UST: variants seen among roughly 807,000 people sequenced by gnomAD.
The protein encoded by UST is chondroitin sulfate 2-O-sulfotransferase.
A neutral mutation model predicts 45.6 loss-of-function variants in UST; 21 were observed. That is an observed-to-expected ratio of 0.46 (90% CI 0.33 to 0.66). The LOEUF (loss-of-function observed/expected upper bound fraction) is 0.66. Ranked by LOEUF, UST falls within the 30% of genes least tolerant of loss-of-function variation. The pLI is 0.02. For missense variants in UST, 463 were observed against 512.4 expected (o/e 0.90, Z 0.93); for synonymous variants, 215 against 200.6 (o/e 1.07, Z -0.61).
At chr6:148,958,115 T>C (rs1291485078) in intron 4 of UST, among the ~76,000 whole-genome samples, 2 of 152,216 alleles carry the variant, frequency 1.3e-5, no homozygotes, top group Non-Finnish European at 2.9e-5. Flanking sequence ...CCTTGAAATT[T>C]AGACAGTCTT....
Position 148,977,291 on chromosome 6 carries a change from A to G in UST, c.681+12728A>G, listed in dbSNP as rs569378743. On this transcript the variant is annotated intron_variant, in intron 5 of 7. Coordinates refer to ENST00000367463, the MANE Select transcript of UST (RefSeq NM_005715.3). ...AACCTATTGTATAATTACATAATAC[A>G]TAGTTTTATTATGTAATATGCAATA... Among the ~76,000 whole-genome samples, 11 of 151,082 alleles carry G rather than the reference A, an allele frequency of 7.3e-5. No homozygotes were observed. The South Asian group carries it at 2.3e-3, about 31-fold the overall frequency.
intron 5 of UST, among the ~76,000 whole-genome samples, chr6:149,013,871 C>T (rs1775856818): frequency 1.3e-5 from 2 of 152,220 alleles, no homozygotes; most frequent in Non-Finnish European, 2.9e-5. Context: ...AGTTCAGTGG[C>T]TTTCAGACAA....
chr6:148,817,217 G>C (rs965415462), intron 1 of UST, among the ~76,000 whole-genome samples: 3 of 152,230 alleles, frequency 2.0e-5, no homozygotes, highest in Non-Finnish European at 4.4e-5. Flanking sequence ...GCAAAGCCAA[G>C]AAATACTAAA....
intron 1 of UST, among the ~76,000 whole-genome samples, chr6:148,868,673 C>T (rs1025125465): frequency 2.0e-5 from 3 of 152,118 alleles, no homozygotes; most frequent in Admixed American, 1.3e-4. Context: ...TGTAGGAATA[C>T]CCAAACCCTG....
At chr6:149,001,440 A>C (rs2500531) in intron 5 of UST, among the ~76,000 whole-genome samples, 1 of 151,982 alleles carries the variant, frequency 6.6e-6, no homozygotes, top group Non-Finnish European at 1.5e-5. Flanking sequence ...TTAAATATTC[A>C]CACAAGTATT....
intron 5 of UST, among the ~76,000 whole-genome samples, chr6:148,965,362 C>T (rs979656311): frequency 6.7e-6 from 1 of 149,998 alleles, no homozygotes; most frequent in African/African-American, 2.5e-5. Context: ...AAATCCTGGT[C>T]TCTGTGTCTG....
At position 149,039,532 on chromosome 6, in the gene UST, C is replaced by T. The variant is rs544809340; in HGVS notation, c.937+18051C>T. On this transcript the variant is annotated intron_variant, in intron 7 of 7. Coordinates refer to ENST00000367463, the MANE Select transcript of UST (RefSeq NM_005715.3). ...TGTATTTCTAATAGTCACAGCGGCA[C>T]GGCAAGTTAGATATTAGCATTGCTA... 3.3e-5 allele frequency among the ~76,000 whole-genome samples: 5 copies of T among 152,264 alleles called. No individual in the cohort carries two copies. In the East Asian group the frequency reaches 5.8e-4, roughly 18 times the overall value.
chr6:148,850,461 G>A (rs891509871), intron 1 of UST, among the ~76,000 whole-genome samples: 2 of 152,306 alleles, frequency 1.3e-5, no homozygotes, highest in East Asian at 1.9e-4. Flanking sequence ...AAAAAAGCAC[G>A]CTTGCTCCAG....
intron 5 of UST, among the ~76,000 whole-genome samples, chr6:149,016,329 C>G (rs567544641): frequency 7.5e-4 from 115 of 152,324 alleles, no homozygotes; most frequent in African/African-American, 2.7e-3. Flanking sequence ...CCAGTGCCTC[C>G]TCCGCCCTCC....
rs573828579 is a variant in UST at position 148,917,010 on chromosome 6, G to A, written c.292-24269G>A. Among the ~76,000 whole-genome samples the A allele has an allele frequency of 1.5e-4, 23 of 152,184 alleles. No individual in the cohort carries two copies. The South Asian group carries it at 4.6e-3, about 30-fold the overall frequency. Reference sequence around the variant, plus strand: ...CCCATGTGCTCCTCTGGTCTGATTCGACACCATGGCCTAGCCTTGTGCAGT... The same window carrying A: ...CCCATGTGCTCCTCTGGTCTGATTCAACACCATGGCCTAGCCTTGTGCAGT... On this transcript the variant is annotated intron_variant, in intron 2 of 7. Coordinates refer to ENST00000367463, the MANE Select transcript of UST (RefSeq NM_005715.3).
intron 7 of UST, among the ~76,000 whole-genome samples, chr6:149,042,176 A>G (rs923731710): frequency 6.6e-6 from 1 of 152,210 alleles, no homozygotes; most frequent in Non-Finnish European, 1.5e-5. Flanking sequence ...AAGTTTGTAT[A>G]TGACGTCACT....
At chr6:148,825,065 A>G (rs1408091238) in intron 1 of UST, among the ~76,000 whole-genome samples, 2 of 151,902 alleles carry the variant, frequency 1.3e-5, no homozygotes, top group Non-Finnish European at 2.9e-5. Context: ...ACATTTTCTT[A>G]AGTACAGAAT....
Position 148,747,585 on chromosome 6 carries a change from T to G in UST, c.155T>G (p.Met52Arg), listed in dbSNP as rs955340501. ...RFSLRDYGFC[M>R]ATLLVFCLGS... ...TCCCTCCGGGACTACGGCTTCTGCA[T>G]GGCCACCCTGCTGGTCTTCTGCCTG... Residue 52 changes from methionine to arginine, a missense_variant, in exon 1 of 8, where the codon ATG (methionine) becomes AGG (arginine). Met to Arg is a moderately conservative substitution (Grantham distance 91, BLOSUM62 -1). Transcript: ENST00000367463. The G allele has an allele frequency of 5.0e-6, 8 of 1,593,470 alleles. No homozygotes were observed. The African/African-American group carries it at 6.8e-5, about 13-fold the overall frequency.
At chr6:148,891,023 C>T (rs936410736) in intron 2 of UST, among the ~76,000 whole-genome samples, 2 of 152,162 alleles carry the variant, frequency 1.3e-5, no homozygotes, top group African/African-American at 2.4e-5. Flanking sequence ...ATAGTGTTTT[C>T]TCCAAGTGGT....
At chr6:148,793,606 A>G (rs1362228505) in intron 1 of UST, among the ~76,000 whole-genome samples, 1 of 152,198 alleles carries the variant, frequency 6.6e-6, no homozygotes, top group African/African-American at 2.4e-5. Context: ...ATCACCACCA[A>G]CAGGTGAGTA....
intron 1 of UST, among the ~76,000 whole-genome samples, chr6:148,877,704 G>A (rs1197317949): frequency 7.8e-6 from 1 of 128,408 alleles, no homozygotes; most frequent in Non-Finnish European, 1.6e-5. Context: ...TGAGTGTGAG[G>A]GGTCGTGTAT....
intron 1 of UST, among the ~76,000 whole-genome samples, chr6:148,878,073 C>A (rs1354719987): frequency 2.2e-5 from 2 of 91,992 alleles, no homozygotes; most frequent in Admixed American, 1.6e-4. Flanking sequence ...GTGCGGGTAT[C>A]GTGTATGAGT....
chr6:149,048,780 T>A (rs1776430659), intron 7 of UST, among the ~76,000 whole-genome samples: 1 of 152,186 alleles, frequency 6.6e-6, no homozygotes. Context: ...ACCACATTCA[T>A]AATCTAAGAA....
At chr6:148,868,455 G>C (rs1446589923) in intron 1 of UST, among the ~76,000 whole-genome samples, 1 of 151,622 alleles carries the variant, frequency 6.6e-6, no homozygotes, top group Non-Finnish European at 1.5e-5. Flanking sequence ...TGATTCAAAA[G>C]TGAGTGACTC....
Sources: gnomAD v4.1 joint callset for allele counts (sites outside exome capture counted in the v4.1 genomes callset) on GRCh38, gnomAD v4.1.1 for gene constraint, MANE v1.5 for transcripts, NCBI Gene and HGNC (gene_info 2026-07-23, HGNC 2026-07-21) for gene names.